ZDHHC21: variants seen among roughly 807,000 people sequenced by gnomAD.
ZDHHC21 encodes zDHHC palmitoyltransferase 21, also known as palmitoyltransferase ZDHHC21.
In ZDHHC21, 15 loss-of-function variants were observed where a neutral mutation model predicts 34.6. The observed-to-expected ratio is 0.43, with a 90% CI of 0.29 to 0.67. The LOEUF (loss-of-function observed/expected upper bound fraction) is 0.67. Ranked by LOEUF, ZDHHC21 falls within the 30% of genes least tolerant of loss-of-function variation. The pLI is 0.14. For missense variants in ZDHHC21, 344 were observed against 327.7 expected (o/e 1.05, Z -0.38); for synonymous variants, 142 against 101.8 (o/e 1.40, Z -2.38).
chr9:14,627,134 T>C (rs1048782845), intron 8 of ZDHHC21, among the ~76,000 whole-genome samples: 64 of 152,126 alleles, frequency 4.2e-4, no homozygotes, highest in Admixed American at 3.0e-3. Context: ...AATTTAACTA[T>C]AGGAATTAAT....
chr9:14,652,697 T>C (rs1831436521), intron 7 of ZDHHC21, among the ~76,000 whole-genome samples: 1 of 151,918 alleles, frequency 6.6e-6, no homozygotes, highest in Non-Finnish European at 1.5e-5. Flanking sequence ...CAACCTGCTT[T>C]CTCTCAACTG....
intron 5 of ZDHHC21, among the ~76,000 whole-genome samples, chr9:14,669,760 A>C (rs1299581763): frequency 2.0e-5 from 3 of 149,706 alleles, no homozygotes; most frequent in Non-Finnish European, 4.4e-5. Context: ...AAGAACAAAA[A>C]ACCAAACACT....
intron 7 of ZDHHC21, among the ~76,000 whole-genome samples, chr9:14,644,898 C>A (rs1408640822): frequency 6.6e-6 from 1 of 151,226 alleles, no homozygotes; most frequent in Non-Finnish European, 1.5e-5. Flanking sequence ...TTCTTTATTT[C>A]ATAGGAAAAA....
chr9:14,644,819 TACACACACAC>T (rs527554683), intron 7 of ZDHHC21, among the ~76,000 whole-genome samples: 1 of 142,636 alleles, frequency 7.0e-6, no homozygotes, highest in Non-Finnish European at 1.6e-5. Flanking sequence ...TACATATGTA[TACACACACAC>T]ACACACACAT....
At chr9:14,640,775 G>C (rs1358919006) in intron 7 of ZDHHC21, among the ~76,000 whole-genome samples, 1 of 152,154 alleles carries the variant, frequency 6.6e-6, no homozygotes, top group African/African-American at 2.4e-5. Context: ...ATAGGAGGGA[G>C]GAATTGAAAT....
At chr9:14,641,884 G>A (rs551321465) in intron 7 of ZDHHC21, among the ~76,000 whole-genome samples, 9 of 152,248 alleles carry the variant, frequency 5.9e-5, no homozygotes, top group Middle Eastern at 3.4e-3. Flanking sequence ...CACAGACAAA[G>A]TTTCGGAGTG....
intron 7 of ZDHHC21, among the ~76,000 whole-genome samples, chr9:14,652,129 A>C (rs1831339645): frequency 6.6e-6 from 1 of 152,004 alleles, no homozygotes; most frequent in Non-Finnish European, 1.5e-5. Flanking sequence ...TCTAACAAAA[A>C]ATGTTTAATT....
At chr9:14,684,752 C>G (rs111880811) in intron 2 of ZDHHC21, among the ~76,000 whole-genome samples, 26,706 of 152,026 alleles carry the variant, frequency 0.18, 2,598 homozygotes, top group East Asian at 0.35. Flanking sequence ...CAAGTCAATC[C>G]TAAGCAAAAA....
chr9:14,658,077 CTT>C (rs1390627540), intron 7 of ZDHHC21, among the ~76,000 whole-genome samples: 3 of 152,170 alleles, frequency 2.0e-5, no homozygotes, highest in Non-Finnish European at 4.4e-5. Flanking sequence ...AAAAAGTTCT[CTT>C]TCTCAAGAAC....
At chr9:14,663,976 G>A (rs191002351) in intron 5 of ZDHHC21, among the ~76,000 whole-genome samples, 2 of 152,204 alleles carry the variant, frequency 1.3e-5, no homozygotes, top group East Asian at 3.9e-4. Context: ...AAACATCCCA[G>A]TGTTAAAACT....
At chr9:14,641,238 T>C (rs2133722255) in intron 7 of ZDHHC21, among the ~76,000 whole-genome samples, 1 of 152,278 alleles carries the variant, frequency 6.6e-6, no homozygotes, top group Non-Finnish European at 1.5e-5. Context: ...ACATTACTTA[T>C]TCATTAGCCT....
intron 1 of ZDHHC21, among the ~76,000 whole-genome samples, chr9:14,692,112 G>A (rs759941134): frequency 6.6e-6 from 1 of 151,984 alleles, no homozygotes; most frequent in Non-Finnish European, 1.5e-5. Flanking sequence ...ATATCTTTTT[G>A]CTTTTAAGAG....
intron 7 of ZDHHC21, among the ~76,000 whole-genome samples, chr9:14,651,095 T>A (rs1452630753): frequency 6.6e-6 from 1 of 151,896 alleles, no homozygotes; most frequent in Non-Finnish European, 1.5e-5. Context: ...AACCTTGTAT[T>A]TTCTCATGTA....
At chr9:14,657,325 A>G (rs894573200) in intron 7 of ZDHHC21, among the ~76,000 whole-genome samples, 2 of 152,156 alleles carry the variant, frequency 1.3e-5, no homozygotes, top group African/African-American at 4.8e-5. Flanking sequence ...TATACCAGCT[A>G]AGTTTACATA....
intron 1 of ZDHHC21, among the ~76,000 whole-genome samples, chr9:14,691,164 A>G (rs1322136085): frequency 6.6e-6 from 1 of 152,186 alleles, no homozygotes; most frequent in Admixed American, 6.5e-5. Context: ...CCATGTTGAG[A>G]CATTACTCAA....
intron 5 of ZDHHC21, among the ~76,000 whole-genome samples, chr9:14,662,719 G>T (rs148907915): frequency 6.6e-6 from 1 of 152,114 alleles, no homozygotes; most frequent in East Asian, 1.9e-4. Context: ...TTTTCTAAAG[G>T]CTCTAAAGAA....
At chr9:14,630,897 T>C (rs910432622) in intron 8 of ZDHHC21, among the ~76,000 whole-genome samples, 1 of 152,244 alleles carries the variant, frequency 6.6e-6, no homozygotes. Context: ...GATGTGGCTG[T>C]CACTTAGGCT....
chr9:14,640,307 GGAAAA>G (rs1432600193), intron 7 of ZDHHC21, among the ~76,000 whole-genome samples: 2 of 125,708 alleles, frequency 1.6e-5, no homozygotes, highest in South Asian at 5.4e-4. Flanking sequence ...CCTATTTTGG[GGAAAA>G]AAAAAAAAAA....
intron 7 of ZDHHC21, among the ~76,000 whole-genome samples, chr9:14,655,211 T>C (rs1415221908): frequency 2.0e-5 from 3 of 152,026 alleles, no homozygotes; most frequent in Non-Finnish European, 4.4e-5. Context: ...AATAACATCT[T>C]TTAAAAACTG....
Sources: allele counts gnomAD v4.1 joint callset (sites outside exome capture counted in the v4.1 genomes callset), GRCh38; gene constraint gnomAD v4.1.1; transcripts MANE v1.5; gene names NCBI Gene and HGNC (gene_info 2026-07-23, HGNC 2026-07-21).